The following CBLN2 variants were observed in gnomAD, a reference collection of about 807,000 sequenced individuals.
CBLN2 encodes the protein cerebellin 2 precursor, also known as cerebellin-2.
In CBLN2, 7 loss-of-function variants were observed where a neutral mutation model predicts 15.0. The ratio of observed to expected loss-of-function variants is 0.47; its 90% CI spans 0.27 to 0.88. The LOEUF is 0.88. Among genes scored for constraint, CBLN2 ranks in the 40% least tolerant of loss-of-function variants. The pLI is 0.14. For synonymous variants in CBLN2, 149 were observed against 135.2 expected, an observed-to-expected ratio of 1.10 and a Z score of -0.71; for missense variants, 242 against 304.5, an observed-to-expected ratio of 0.79 and a Z score of 1.53.
upstream of CBLN2, among the ~76,000 whole-genome samples, chr18:72,549,155 G>A (rs888300102): frequency 6.6e-6 from 1 of 152,120 alleles, no homozygotes; most frequent in African/African-American, 2.4e-5. Context: ...GGGATTACAG[G>A]TGTGCACCAC....
intron 1 of CBLN2, among the ~76,000 whole-genome samples, chr18:72,570,403 A>G (rs2069324037): frequency 6.9e-6 from 1 of 145,668 alleles, no homozygotes; most frequent in Admixed American, 7.1e-5. Flanking sequence ...ACGCCTGGCT[A>G]ATTTTTGTAT....
At chr18:72,581,465 G>T (rs562957569) in intron 1 of CBLN2, among the ~76,000 whole-genome samples, 1 of 152,108 alleles carries the variant, frequency 6.6e-6, no homozygotes, top group African/African-American at 2.4e-5. Context: ...GTATTTCCTT[G>T]GTTACTGATA....
Position 72,542,059 on chromosome 18 carries a change from C to T in CBLN2, c.102G>A (p.Val34=). The T allele has an allele frequency of 3.2e-6, 5 of 1,569,778 alleles. No homozygotes were observed. The highest frequency in any genetic ancestry group is 1.4e-5 in the African/African-American group (1 of 71,434). The stretch of plus-strand genomic sequence containing the variant: ...GTAGCAGCAACAGCAGGGCCAGCGC[C>T]ACCCCCAGGCAGGATCCGCAGCCGC... The part of the protein sequence containing the change: ...EPGGCGSCLG[V]ALALLLLLLP... The change falls in exon 3 of 5, where the codon GTG becomes GTA. Residue 34 remains valine (V), a synonymous_variant. Transcript: ENST00000269503.
intron 1 of CBLN2, chr18:72,618,514 T>C: frequency 1.5e-6 from 1 of 685,418 alleles, no homozygotes; most frequent in South Asian, 1.4e-5. Flanking sequence ...GATGCAAGAG[T>C]TGTGGAACCA....
chr18:72,551,527 T>C (rs2069191750), intron 1 of CBLN2, among the ~76,000 whole-genome samples: 1 of 152,092 alleles, frequency 6.6e-6, no homozygotes, highest in South Asian at 2.1e-4. Context: ...TGTCACTAAG[T>C]CTTCAGAAAT....
chr18:72,610,720 C>A (rs966448412), intron 1 of CBLN2, among the ~76,000 whole-genome samples: 8 of 152,256 alleles, frequency 5.3e-5, no homozygotes, highest in Non-Finnish European at 1.2e-4. Flanking sequence ...GTAAACCTGG[C>A]TTAAACCATC....
chr18:72,558,361 A>C (rs543758754), intron 1 of CBLN2, among the ~76,000 whole-genome samples: 1 of 152,224 alleles, frequency 6.6e-6, no homozygotes, highest in Admixed American at 6.5e-5. Flanking sequence ...TACTCTGGGC[A>C]CCCGGAAGCT....
intron 1 of CBLN2, among the ~76,000 whole-genome samples, chr18:72,635,692 T>G (rs190402401): frequency 7.4e-4 from 113 of 152,230 alleles, no homozygotes; most frequent in African/African-American, 2.6e-3. Flanking sequence ...TTATTCAAAA[T>G]TCAAGAGAGA....
intron 1 of CBLN2, among the ~76,000 whole-genome samples, chr18:72,583,036 G>C (rs551124665): frequency 6.6e-6 from 1 of 152,248 alleles, no homozygotes; most frequent in African/African-American, 2.4e-5. Flanking sequence ...ACATGAGTGG[G>C]AGTGAGAATT....
intron 1 of CBLN2, among the ~76,000 whole-genome samples, chr18:72,622,640 T>C (rs964783601): frequency 5.9e-5 from 9 of 152,158 alleles, no homozygotes; most frequent in African/African-American, 2.2e-4. Flanking sequence ...AATGCCTGTG[T>C]GGTAAATTAC....
chr18:72,547,613 G>T (rs183746694), upstream of CBLN2, among the ~76,000 whole-genome samples: 4 of 151,646 alleles, frequency 2.6e-5, no homozygotes, highest in African/African-American at 9.7e-5. Flanking sequence ...TGATTTTAAG[G>T]CTTTTTATAT....
At chr18:72,598,918 T>C (rs2069530034) in intron 1 of CBLN2, among the ~76,000 whole-genome samples, 1 of 152,230 alleles carries the variant, frequency 6.6e-6, no homozygotes, top group Non-Finnish European at 1.5e-5. Context: ...ACATGGTCAC[T>C]TTCGGGGAAT....
chr18:72,564,417 C>T (rs761689629), intron 1 of CBLN2, among the ~76,000 whole-genome samples: 10 of 151,886 alleles, frequency 6.6e-5, no homozygotes, highest in African/African-American at 1.9e-4. Flanking sequence ...AAAATACAGT[C>T]GAGAGCTTCA....
At chr18:72,567,667 C>A (rs188530489) in intron 1 of CBLN2, among the ~76,000 whole-genome samples, 51 of 152,254 alleles carry the variant, frequency 3.3e-4, no homozygotes, top group Non-Finnish European at 5.1e-4. Flanking sequence ...AAGATGAGTT[C>A]TCATCTTCCC....
At chr18:72,552,212 T>C (rs1174275687) in intron 1 of CBLN2, among the ~76,000 whole-genome samples, 1 of 151,612 alleles carries the variant, frequency 6.6e-6, no homozygotes, top group East Asian at 1.9e-4. Flanking sequence ...GCCTCCTGAG[T>C]AGCTGGGGTT....
chr18:72,603,390 CT>C (rs540707541), intron 1 of CBLN2, among the ~76,000 whole-genome samples: 1 of 151,498 alleles, frequency 6.6e-6, no homozygotes, highest in African/African-American at 2.4e-5. Flanking sequence ...CCTTTTTTTT[CT>C]CCTAACAAAG....
At chr18:72,621,706 G>A (rs897015601) in intron 1 of CBLN2, among the ~76,000 whole-genome samples, 7 of 152,074 alleles carry the variant, frequency 4.6e-5, no homozygotes, top group Non-Finnish European at 8.8e-5. Context: ...GAAAGCTCTG[G>A]TAATCTACTA....
chr18:72,579,061 A>T (rs2069386764), intron 1 of CBLN2, among the ~76,000 whole-genome samples: 1 of 152,190 alleles, frequency 6.6e-6, no homozygotes, highest in Non-Finnish European at 1.5e-5. Flanking sequence ...TATCTAATGC[A>T]CTGTGGTCTA....
At chr18:72,548,417 A>T (rs1364094408), upstream of CBLN2, among the ~76,000 whole-genome samples, 1 of 152,236 alleles carries the variant, frequency 6.6e-6, no homozygotes, top group Non-Finnish European at 1.5e-5. Flanking sequence ...TGAAAATAGA[A>T]CATCCAAAGG....
Sources: gnomAD v4.1 joint callset for allele counts (sites outside exome capture counted in the v4.1 genomes callset) on GRCh38, gnomAD v4.1.1 for gene constraint, MANE v1.5 for transcripts, NCBI Gene and HGNC (gene_info 2026-07-23, HGNC 2026-07-21) for gene names.